The following OR3A2 variants were observed in gnomAD, a reference collection of about 807,000 sequenced individuals.
The protein encoded by OR3A2 is olfactory receptor family 3 subfamily A member 2, also known as olfactory receptor 3A2.
For missense variants in OR3A2, 318 were observed against 392.8 expected (o/e 0.81, Z 1.61); for synonymous variants, 126 against 159.3 (o/e 0.79, Z 1.57).
chr17:3,321,296 T>A (rs1190187601), intron 3 of OR3A2, among the ~76,000 whole-genome samples: 1 of 152,138 alleles, frequency 6.6e-6, no homozygotes, highest in Non-Finnish European at 1.5e-5. Flanking sequence ...CAATGGAGTT[T>A]TCTAGATATA....
At chr17:3,278,394 T>A (rs138102640) in exon 2 of OR3A2, 10 of 1,614,136 alleles carry the variant, frequency 6.2e-6, no homozygotes, top group Non-Finnish European at 7.6e-6. Flanking sequence ...ATTGACCTCA[T>A]TGGGGCCACA....
At chr17:3,349,945 T>C (rs230460) in intron 2 of OR3A2, among the ~76,000 whole-genome samples, 19,298 of 148,946 alleles carry the variant, frequency 0.13, 1,510 homozygotes, top group African/African-American at 0.22. Flanking sequence ...GGGTACATAA[T>C]GAAATGAAGG....
At chr17:3,371,486 C>CA (rs2049619715) in intron 2 of OR3A2, among the ~76,000 whole-genome samples, 1 of 139,222 alleles carries the variant, frequency 7.2e-6, no homozygotes, top group South Asian at 2.4e-4. Flanking sequence ...CCCCCCACCT[C>CA]CCTCCCGGAT....
intron 3 of OR3A2, among the ~76,000 whole-genome samples, chr17:3,317,033 G>A (rs1326441881): frequency 6.6e-6 from 1 of 152,172 alleles, no homozygotes; most frequent in African/African-American, 2.4e-5. Context: ...GGATGCCAAA[G>A]ACTGCAGGGA....
chr17:3,329,923 G>A (rs1170467817), intron 3 of OR3A2, among the ~76,000 whole-genome samples: 16 of 136,830 alleles, frequency 1.2e-4, no homozygotes, highest in South Asian at 9.8e-4. Context: ...CTTTGTTCTC[G>A]TTGGTTTCAA....
intron 3 of OR3A2, among the ~76,000 whole-genome samples, chr17:3,318,467 T>TGTAAATGCTAGCCTCCCC (rs2049094130): frequency 6.6e-6 from 1 of 152,198 alleles, no homozygotes; most frequent in African/African-American, 2.4e-5. Context: ...TCAGCCTCCC[T>TGTAAATGCTAGCCTCCCC]GTAAACGCTA....
intron 1 of OR3A2, among the ~76,000 whole-genome samples, chr17:3,281,979 T>G (rs1269801438): frequency 6.6e-6 from 1 of 152,196 alleles, no homozygotes. Context: ...GACAGAGAAC[T>G]CTGCCAGATT....
intron 3 of OR3A2, among the ~76,000 whole-genome samples, chr17:3,303,964 A>T (rs2048984165): frequency 8.5e-6 from 1 of 117,898 alleles, no homozygotes; most frequent in Admixed American, 1.0e-4. Flanking sequence ...TTTTGGTACT[A>T]ATATATATAT....
chr17:3,356,924 T>C (rs1215328965), intron 2 of OR3A2, among the ~76,000 whole-genome samples: 1 of 151,740 alleles, frequency 6.6e-6, no homozygotes, highest in Admixed American at 6.6e-5. Context: ...TAAGTACTAT[T>C]GAAACTTAAG....
At chr17:3,288,246 C>CAAAAAAAAAAAAAAAAAAAGA (rs2048833087), upstream of OR3A2, among the ~76,000 whole-genome samples, 1 of 73,486 alleles carries the variant, frequency 1.4e-5, no homozygotes, top group African/African-American at 4.5e-5. Context: ...ACCAAAAGGG[C>CAAAAAAAAAAAAAAAAAAAGA]AAAAAAAAAA....
At chr17:3,336,630 T>G (rs144945609) in intron 2 of OR3A2, among the ~76,000 whole-genome samples, 10 of 152,278 alleles carry the variant, frequency 6.6e-5, no homozygotes, top group Non-Finnish European at 1.5e-4. Flanking sequence ...CAATAAATAT[T>G]TGAATAAATG....
intron 2 of OR3A2, among the ~76,000 whole-genome samples, chr17:3,339,715 G>A (rs550560984): frequency 6.6e-6 from 1 of 152,182 alleles, no homozygotes; most frequent in East Asian, 1.9e-4. Context: ...TGTTCATCAG[G>A]GATATTGGTC....
chr17:3,283,445 G>T (rs577024619), intron 1 of OR3A2, among the ~76,000 whole-genome samples: 1 of 152,070 alleles, frequency 6.6e-6, no homozygotes, highest in Non-Finnish European at 1.5e-5. Context: ...GGCTGGTCTC[G>T]AACTCCTGAC....
intron 2 of OR3A2, among the ~76,000 whole-genome samples, chr17:3,367,848 A>G (rs1287371376): frequency 6.6e-6 from 1 of 152,064 alleles, no homozygotes; most frequent in African/African-American, 2.4e-5. Flanking sequence ...TGGTTGTACC[A>G]GTTTACACTC....
At chr17:3,309,683 G>A (rs2049025174) in intron 3 of OR3A2, among the ~76,000 whole-genome samples, 1 of 152,154 alleles carries the variant, frequency 6.6e-6, no homozygotes, top group South Asian at 2.1e-4. Flanking sequence ...CTATGGAGCT[G>A]GAAATGTCCT....
At chr17:3,359,091 G>C (rs2049487916) in intron 2 of OR3A2, among the ~76,000 whole-genome samples, 1 of 151,716 alleles carries the variant, frequency 6.6e-6, no homozygotes, top group Non-Finnish European at 1.5e-5. Flanking sequence ...TCTGAAATTA[G>C]GATTGCAACC....
At chr17:3,360,065 C>T (rs2049497841) in intron 2 of OR3A2, among the ~76,000 whole-genome samples, 1 of 151,836 alleles carries the variant, frequency 6.6e-6, no homozygotes, top group Non-Finnish European at 1.5e-5. Context: ...TATTTCTCCA[C>T]ATCCTCTCCA....
At chr17:3,332,002 G>C (rs1416072241) in intron 3 of OR3A2, among the ~76,000 whole-genome samples, 1 of 152,034 alleles carries the variant, frequency 6.6e-6, no homozygotes. Flanking sequence ...CCCCTGCTGG[G>C]GGGTGCCTCC....
chr17:3,376,653 T>C (rs2049687374), intron 2 of OR3A2, among the ~76,000 whole-genome samples: 1 of 152,140 alleles, frequency 6.6e-6, no homozygotes, highest in African/African-American at 2.4e-5. Context: ...CCAATAGCAC[T>C]GAGTTTATGT....
Sources: allele counts gnomAD v4.1 joint callset (sites outside exome capture counted in the v4.1 genomes callset), GRCh38; gene constraint gnomAD v4.1.1; transcripts MANE v1.5; gene names NCBI Gene and HGNC (gene_info 2026-07-23, HGNC 2026-07-21).